The following SMOC2 variants were observed in gnomAD, a reference collection of about 807,000 sequenced individuals.
The protein encoded by SMOC2 is SPARC related modular calcium binding 2.
SMOC2 carries 39 observed loss-of-function variants against 61.4 expected under a neutral mutation model. The observed-to-expected ratio is 0.64, with a 90% confidence interval of 0.49 to 0.83. The LOEUF (loss-of-function observed/expected upper bound fraction) is 0.83. Among genes scored for constraint, SMOC2 ranks in the 40% least tolerant of loss-of-function variants. The probability of loss-of-function intolerance (pLI) is 0.00; values close to 1 mark genes in which losing one functional copy is unlikely to be tolerated. For missense variants in SMOC2, 556 were observed against 592.9 expected, an observed-to-expected ratio of 0.94 and a Z score of 0.65; for synonymous variants, 247 against 239.9, an observed-to-expected ratio of 1.03 and a Z score of -0.27.
intron 2 of SMOC2, among the ~76,000 whole-genome samples, chr6:168,521,515 G>A (rs1017473535): frequency 1.3e-5 from 2 of 152,080 alleles, no homozygotes; most frequent in African/African-American, 2.4e-5. Flanking sequence ...TTTTGTAACT[G>A]AGAGAGATGA....
In SMOC2 at chr6:168,630,989, G is replaced by A. The variant is rs144933023; in HGVS notation, c.908-19692G>A. ...TCATTAGCAATTTTAATTTCACCCCGGGCCTGTGGTCCTGTGATCTCACCC... is the reference window on the plus strand; with the variant it reads ...TCATTAGCAATTTTAATTTCACCCCAGGCCTGTGGTCCTGTGATCTCACCC... On this transcript the variant is annotated intron_variant, in intron 9 of 12. Transcript: ENST00000356284. 2.4e-3 allele frequency among the ~76,000 whole-genome samples: 367 copies of A among 152,248 alleles called. 1 individual carries two copies. The highest frequency in any genetic ancestry group is 7.9e-3 in the African/African-American group (330 of 41,544).
At chr6:168,642,945 A>G (rs1786930367) in intron 9 of SMOC2, among the ~76,000 whole-genome samples, 1 of 152,180 alleles carries the variant, frequency 6.6e-6, no homozygotes, top group Non-Finnish European at 1.5e-5. Context: ...TAGATGGTGG[A>G]AGTTGAATTA....
intron 10 of SMOC2, among the ~76,000 whole-genome samples, 168 bp downstream of exon 10, chr6:168,650,951 T>A (rs1328186463): frequency 6.6e-6 from 1 of 152,222 alleles, no homozygotes; most frequent in African/African-American, 2.4e-5. Flanking sequence ...CAGGTTTTCT[T>A]GTAGCAAGAC....
rs573833229 is a variant in SMOC2 at position 168,519,169 on chromosome 6, ATG to A, written c.257-7172_257-7171del. Among the ~76,000 whole-genome samples, 178 of 149,314 alleles carry A rather than the reference ATG, an allele frequency of 1.2e-3. 7 individuals are homozygous for A. In the South Asian group the frequency reaches 0.032, roughly 27 times the overall value. On this transcript the variant is annotated intron_variant, in intron 2 of 12. Coordinates refer to ENST00000356284, the MANE Select transcript of SMOC2 (RefSeq NM_001166412.2). ...TGAGCATGCGTGTGTGTATGCGTGC[ATG>A]TGTGAGTATGCGTGCATGTGTATGT...
chr6:168,521,336 G>T (rs995562887), intron 2 of SMOC2, among the ~76,000 whole-genome samples: 5 of 151,966 alleles, frequency 3.3e-5, no homozygotes, highest in African/African-American at 9.7e-5. Context: ...TTTAGTAGAG[G>T]TGGAGTTTCA....
intron 1 of SMOC2, among the ~76,000 whole-genome samples, chr6:168,482,075 AAT>A (rs1562549812): frequency 6.6e-6 from 1 of 152,002 alleles, no homozygotes; most frequent in African/African-American, 2.4e-5. Context: ...ACAGAAAAAT[AAT>A]AGAGGAAAAT....
At chr6:168,640,161 A>C (rs574655212) in intron 9 of SMOC2, among the ~76,000 whole-genome samples, 1 of 131,452 alleles carries the variant, frequency 7.6e-6, no homozygotes, top group East Asian at 2.1e-4. Flanking sequence ...CGTGGATATC[A>C]GCACACGGTC....
intron 9 of SMOC2, among the ~76,000 whole-genome samples, chr6:168,635,327 C>T (rs1399722637): frequency 1.3e-5 from 2 of 152,176 alleles, no homozygotes; most frequent in Non-Finnish European, 2.9e-5. Flanking sequence ...GGTGCTAATG[C>T]AGAATCCCAA....
At chr6:168,539,918 G>C (rs1783839972) in intron 4 of SMOC2, among the ~76,000 whole-genome samples, 1 of 152,204 alleles carries the variant, frequency 6.6e-6, no homozygotes, top group Non-Finnish European at 1.5e-5. Context: ...CCCTGGGCCA[G>C]TTACTTACCC....
intron 1 of SMOC2, among the ~76,000 whole-genome samples, chr6:168,470,187 G>C (rs1168268530): frequency 6.6e-6 from 1 of 152,154 alleles, no homozygotes; most frequent in Non-Finnish European, 1.5e-5. Flanking sequence ...TGATCCTCCT[G>C]CACTTTGAGG....
chr6:168,582,180 T>G (rs1316252245), intron 7 of SMOC2, among the ~76,000 whole-genome samples: 1 of 152,202 alleles, frequency 6.6e-6, no homozygotes, highest in Admixed American at 6.5e-5. Flanking sequence ...GTTTTGGAGA[T>G]GACTTCTTTA....
chr6:168,610,942 C>G (rs374622601), intron 9 of SMOC2, among the ~76,000 whole-genome samples: 1 of 151,764 alleles, frequency 6.6e-6, no homozygotes, highest in Non-Finnish European at 1.5e-5. Flanking sequence ...TTAAACCACA[C>G]CTTCCTAAAC....
chr6:168,586,212 CATT>C (rs1392337413), intron 7 of SMOC2, among the ~76,000 whole-genome samples: 3 of 152,104 alleles, frequency 2.0e-5, no homozygotes, highest in East Asian at 3.8e-4. Flanking sequence ...GTAGATATCT[CATT>C]GTTGTAGAAT....
intron 9 of SMOC2, among the ~76,000 whole-genome samples, chr6:168,611,069 G>A (rs1396756482): frequency 2.0e-5 from 3 of 152,166 alleles, no homozygotes; most frequent in African/African-American, 4.8e-5. Context: ...AAATAACAGG[G>A]TTACTCTGTC....
chr6:168,501,404 C>T (rs1257668163), intron 1 of SMOC2, among the ~76,000 whole-genome samples: 4 of 152,118 alleles, frequency 2.6e-5, no homozygotes, highest in African/African-American at 9.7e-5. Flanking sequence ...AAGCACCATC[C>T]GTCCCTTGCT....
intron 4 of SMOC2, among the ~76,000 whole-genome samples, chr6:168,541,820 A>G (rs1783883347): frequency 6.6e-6 from 1 of 152,202 alleles, no homozygotes; most frequent in African/African-American, 2.4e-5. Flanking sequence ...CACTGATTCA[A>G]TGCAAGGGCC....
At position 168,512,698 on chromosome 6, in the gene SMOC2, C is replaced by T. The variant is rs558820044; in HGVS notation, c.256+2612C>T. Among the ~76,000 whole-genome samples the T allele has an allele frequency of 1.7e-4, 26 of 152,308 alleles. 1 individual carries two copies. In the South Asian group the frequency reaches 5.2e-3, roughly 30 times the overall value. ...GCCAGCTTGTGGAACCCACCCCAGA[C>T]CTCAGGATCCATTTCAGAGAGCTGG... is the stretch of plus-strand genomic sequence containing the variant. On this transcript the variant is annotated intron_variant, in intron 2 of 12. Coordinates refer to ENST00000356284, the MANE Select transcript of SMOC2 (RefSeq NM_001166412.2).
At chr6:168,538,214 A>AC (rs1783782799) in intron 4 of SMOC2, among the ~76,000 whole-genome samples, 1 of 97,802 alleles carries the variant, frequency 1.0e-5, no homozygotes, top group African/African-American at 4.1e-5. Flanking sequence ...GAGTGGGGTG[A>AC]CCGCTGCTGG....
chr6:168,463,980 C>T (rs530135899), intron 1 of SMOC2, among the ~76,000 whole-genome samples: 28 of 152,146 alleles, frequency 1.8e-4, no homozygotes, highest in African/African-American at 6.7e-4. Context: ...CACTTAAGCC[C>T]AGGAGTTCTA....
Sources: gnomAD v4.1 joint callset for allele counts (sites outside exome capture counted in the v4.1 genomes callset) on GRCh38, gnomAD v4.1.1 for gene constraint, MANE v1.5 for transcripts, NCBI Gene and HGNC (gene_info 2026-07-23, HGNC 2026-07-21) for gene names.